The following FGGY variants were observed in gnomAD, a reference collection of about 807,000 sequenced individuals.
FGGY encodes the protein FGGY carbohydrate kinase domain-containing protein.
In FGGY, 72 loss-of-function variants were observed where a neutral mutation model predicts 71.3. The observed-to-expected ratio is 1.01, with a 90% CI of 0.84 to 1.23. FGGY has a LOEUF of 1.23. Ranked by LOEUF, FGGY falls within the 50% of genes most tolerant of loss-of-function variation. The pLI, the probability that FGGY is intolerant of heterozygous loss-of-function variation, is 0.00. For missense variants in FGGY, 668 were observed against 682.3 expected (o/e 0.98, Z 0.23); for synonymous variants, 251 against 250.3 (o/e 1.00, Z -0.02).
chr1:59,640,666 A>G (rs1375161266), intron 11 of FGGY, among the ~76,000 whole-genome samples: 2 of 151,450 alleles, frequency 1.3e-5, no homozygotes, highest in East Asian at 3.8e-4. Context: ...TAGGCAACAT[A>G]GAGATAATAA....
At chr1:59,297,559 A>G (rs2042124667) in intron 1 of FGGY, among the ~76,000 whole-genome samples, 1 of 152,066 alleles carries the variant, frequency 6.6e-6, no homozygotes, top group African/African-American at 2.4e-5. Context: ...GCGGTGGCTC[A>G]CGCCTGTAAT....
chr1:59,379,833 G>A (rs945111613), intron 5 of FGGY, among the ~76,000 whole-genome samples: 27 of 151,560 alleles, frequency 1.8e-4, no homozygotes, highest in Non-Finnish European at 2.2e-4. Context: ...AAGTTCTAGG[G>A]TACATGTGCA....
chr1:59,653,861 C>T (rs1341653744), intron 11 of FGGY, among the ~76,000 whole-genome samples: 1 of 152,220 alleles, frequency 6.6e-6, no homozygotes, highest in African/African-American at 2.4e-5. Context: ...TCTGCTTCAT[C>T]TCTCCTGTCT....
intron 4 of FGGY, among the ~76,000 whole-genome samples, chr1:59,364,590 A>G (rs994693386): frequency 1.3e-5 from 2 of 152,250 alleles, no homozygotes; most frequent in African/African-American, 4.8e-5. Context: ...CTAGGAGTAG[A>G]GATATTTAAT....
chr1:59,537,576 A>G (rs2095351613), intron 7 of FGGY, among the ~76,000 whole-genome samples: 1 of 152,240 alleles, frequency 6.6e-6, no homozygotes, highest in Non-Finnish European at 1.5e-5. Flanking sequence ...TGGAGGCATC[A>G]CGCTACCTGA....
chr1:59,469,593 TA>T (rs1214983536), intron 6 of FGGY, among the ~76,000 whole-genome samples: 9 of 152,102 alleles, frequency 5.9e-5, no homozygotes, highest in Non-Finnish European at 1.3e-4. Flanking sequence ...CTTTTATTCA[TA>T]TTTTTTTTTA....
intron 14 of FGGY, among the ~76,000 whole-genome samples, chr1:59,674,854 G>A (rs532241391): frequency 6.6e-6 from 1 of 152,206 alleles, no homozygotes; most frequent in Non-Finnish European, 1.5e-5. Flanking sequence ...AATGAATGTG[G>A]TATGGAAGCT....
At chr1:59,605,011 G>A (rs929747864) in intron 8 of FGGY, among the ~76,000 whole-genome samples, 2 of 152,194 alleles carry the variant, frequency 1.3e-5, no homozygotes, top group Non-Finnish European at 2.9e-5. Context: ...TGCTCTCCTT[G>A]TGGCTGGAAC....
chr1:59,612,703 A>C (rs918644739), intron 9 of FGGY, among the ~76,000 whole-genome samples: 1 of 152,244 alleles, frequency 6.6e-6, no homozygotes, highest in Non-Finnish European at 1.5e-5. Flanking sequence ...CAGACTGGCA[A>C]ATTGGATAAA....
intron 5 of FGGY, among the ~76,000 whole-genome samples, chr1:59,433,175 A>G (rs950901168): frequency 9.9e-5 from 15 of 152,180 alleles, no homozygotes; most frequent in African/African-American, 3.6e-4. Flanking sequence ...CCCATTGTGC[A>G]TGACAGGATG....
intron 8 of FGGY, among the ~76,000 whole-genome samples, chr1:59,590,087 A>T (rs995872236): frequency 1.3e-5 from 2 of 152,194 alleles, no homozygotes; most frequent in Non-Finnish European, 2.9e-5. Flanking sequence ...TAGACGCAAT[A>T]AAAAATGATA....
chr1:59,384,560 C>T (rs74373277), intron 5 of FGGY, among the ~76,000 whole-genome samples: 4,249 of 152,212 alleles, frequency 0.028, 91 homozygotes, highest in South Asian at 0.08. Context: ...AAGGTATTAG[C>T]GATTTCATTT....
At chr1:59,343,785 A>G (rs887525674) in intron 3 of FGGY, among the ~76,000 whole-genome samples, 1 of 152,212 alleles carries the variant, frequency 6.6e-6, no homozygotes, top group Admixed American at 6.5e-5. Context: ...TACAATTTTC[A>G]TTGTATTGTT....
chr1:59,747,523 C>T (rs2098210456), intron 14 of FGGY, among the ~76,000 whole-genome samples: 1 of 152,280 alleles, frequency 6.6e-6, no homozygotes, highest in South Asian at 2.1e-4. Context: ...AACTTGTCAA[C>T]TGAGAGTTAA....
chr1:59,385,999 T>C (rs2153365009), intron 5 of FGGY, among the ~76,000 whole-genome samples: 1 of 152,280 alleles, frequency 6.6e-6, no homozygotes, highest in African/African-American at 2.4e-5. Context: ...AATTTAGTTA[T>C]AATTTTGAAC....
chr1:59,502,758 G>A (rs927737977), intron 6 of FGGY, among the ~76,000 whole-genome samples: 1 of 152,190 alleles, frequency 6.6e-6, no homozygotes, highest in African/African-American at 2.4e-5. Flanking sequence ...CTCCAGGGAA[G>A]CCACCTCCTT....
intron 10 of FGGY, among the ~76,000 whole-genome samples, chr1:59,636,830 C>G (rs2096965164): frequency 6.6e-6 from 1 of 152,174 alleles, no homozygotes; most frequent in Non-Finnish European, 1.5e-5. Context: ...CCTTCTAAAA[C>G]ACTTTTAAAA....
At chr1:59,746,227 TG>T (rs1192006769) in intron 14 of FGGY, among the ~76,000 whole-genome samples, 1 of 152,128 alleles carries the variant, frequency 6.6e-6, no homozygotes, top group Non-Finnish European at 1.5e-5. Flanking sequence ...CATCATTAGG[TG>T]GCATAAACCT....
chr1:59,512,405 A>G lies in FGGY; in HGVS notation c.765A>G (p.Ala255=), dbSNP rs1166190939. 1 of 1,614,008 alleles carries G rather than the reference A, an allele frequency of 6.2e-7. No individual in the cohort carries two copies. Among genetic ancestry groups the G allele is most frequent in the East Asian group, 2.2e-5 (1 of 44,880 alleles). ...GCCTTCTCCCTGGGATTGCGGTCGC[A>G]GCTTCACTCATTGATGCCCATGCAG... ...DLGLLPGIAV[A]ASLIDAHAGG... The change falls in exon 7 of 16, where the codon GCA becomes GCG. Residue 255 remains alanine, a synonymous_variant. Transcript: ENST00000303721.
Sources: allele counts gnomAD v4.1 joint callset (sites outside exome capture counted in the v4.1 genomes callset), GRCh38; gene constraint gnomAD v4.1.1; transcripts MANE v1.5; gene names NCBI Gene and HGNC (gene_info 2026-07-23, HGNC 2026-07-21).